WWOX: variants seen among roughly 807,000 people sequenced by gnomAD.
The protein encoded by WWOX is WW domain-containing oxidoreductase.
Under a neutral mutation model 46.2 loss-of-function variants are expected in WWOX, and 69 were observed. That is an observed-to-expected ratio of 1.49 (90% CI 1.23 to 1.82). WWOX has a LOEUF of 1.82. Among genes scored for constraint, WWOX ranks in the 40% most tolerant of loss-of-function variants. WWOX has a pLI of 0.00. For missense variants in WWOX, 919 were observed against 542.6 expected, an observed-to-expected ratio of 1.69 and a Z score of -6.89; for synonymous variants, 359 against 202.6, an observed-to-expected ratio of 1.77 and a Z score of -6.56.
chr16:78,312,035 C>T (rs891061208), intron 5 of WWOX, among the ~76,000 whole-genome samples: 2 of 152,108 alleles, frequency 1.3e-5, no homozygotes, highest in Non-Finnish European at 2.9e-5. Context: ...TTTTCGGTCA[C>T]CTTCCAGCCA....
chr16:78,765,330 G>A (rs917369058), intron 8 of WWOX, among the ~76,000 whole-genome samples: 2 of 152,236 alleles, frequency 1.3e-5, no homozygotes, highest in African/African-American at 4.8e-5. Context: ...TTGAACACTA[G>A]GGTGAGGGCT....
chr16:78,730,617 A>ATTTT lies in WWOX; in HGVS notation c.1056+297883_1056+297886dup, dbSNP rs536906826. ...CAGGTGCATGCCACCACGCCCGGCA[A>ATTTT]TTTTTTTTTTTTTTTTTTTTTAAGT... On this transcript the variant is annotated intron_variant, in intron 8 of 8. Coordinates refer to ENST00000566780, the MANE Select transcript of WWOX (RefSeq NM_016373.4). Among the ~76,000 whole-genome samples the ATTTT allele has an allele frequency of 4.9e-4, 60 of 123,042 alleles. 1 individual carries two copies. Among genetic ancestry groups the ATTTT allele is most frequent in the East Asian group, 4.7e-3 (19 of 4,028 alleles). 80.7% of individuals were successfully genotyped at this position (123,042 alleles called of 152,430 possible). A position where few individuals can be genotyped will look rare whatever the true frequency, so the allele number is the denominator to read the frequency against.
At chr16:78,543,368 A>G (rs1434386237) in intron 8 of WWOX, among the ~76,000 whole-genome samples, 2 of 152,204 alleles carry the variant, frequency 1.3e-5, no homozygotes, top group East Asian at 1.9e-4. Context: ...AGGTCTGTGC[A>G]CACTATGGAT....
intron 5 of WWOX, among the ~76,000 whole-genome samples, chr16:78,306,705 C>G (rs1055445773): frequency 6.6e-6 from 1 of 151,926 alleles, no homozygotes; most frequent in Non-Finnish European, 1.5e-5. Context: ...TCCCACAATT[C>G]CCTGTGAATT....
At chr16:78,621,373 G>T (rs1200544819) in intron 8 of WWOX, among the ~76,000 whole-genome samples, 2 of 151,820 alleles carry the variant, frequency 1.3e-5, no homozygotes, top group Non-Finnish European at 2.9e-5. Context: ...TGCTGCTGCT[G>T]TCTTACCTCC....
chr16:78,965,854 C>A (rs1341730137), intron 8 of WWOX, among the ~76,000 whole-genome samples: 1 of 152,120 alleles, frequency 6.6e-6, no homozygotes, highest in Non-Finnish European at 1.5e-5. Context: ...AGGAGCAGTT[C>A]TTAGATTAAC....
intron 8 of WWOX, among the ~76,000 whole-genome samples, chr16:78,806,281 G>C (rs1480451880): frequency 1.3e-5 from 2 of 152,112 alleles, no homozygotes; most frequent in African/African-American, 2.4e-5. Context: ...ATTGATGAGG[G>C]AATTGAAGCA....
intron 8 of WWOX, among the ~76,000 whole-genome samples, chr16:78,788,969 C>G (rs1463799164): frequency 6.6e-6 from 1 of 152,168 alleles, no homozygotes; most frequent in East Asian, 1.9e-4. Flanking sequence ...AAACTAGACC[C>G]TTATCATATA....
At chr16:78,627,836 C>G (rs1321813329) in intron 8 of WWOX, among the ~76,000 whole-genome samples, 2 of 152,224 alleles carry the variant, frequency 1.3e-5, no homozygotes, top group African/African-American at 2.4e-5. Context: ...ATGATGCCGA[C>G]TTAGACAGTG....
At chr16:78,609,017 C>G (rs913033291) in intron 8 of WWOX, among the ~76,000 whole-genome samples, 2 of 152,052 alleles carry the variant, frequency 1.3e-5, no homozygotes, top group East Asian at 1.9e-4. Flanking sequence ...ATTTGGGACC[C>G]TTTTTTAAAG....
intron 8 of WWOX, among the ~76,000 whole-genome samples, chr16:78,782,954 C>G (rs1054636438): frequency 1.3e-5 from 2 of 152,194 alleles, no homozygotes; most frequent in African/African-American, 2.4e-5. Flanking sequence ...TCTCATACAT[C>G]AGGCCATTTC....
In WWOX at chr16:78,330,895, A is replaced by G. The variant is rs142559979; in HGVS notation, c.517-55965A>G. Among the ~76,000 whole-genome samples, 1,092 of 152,326 alleles carry G rather than the reference A, an allele frequency of 7.2e-3. 10 individuals carry two copies. Among genetic ancestry groups the G allele is most frequent in the Middle Eastern group, 0.034 (10 of 294 alleles). ...AAGCTGAGATGATATGCATGTTCTT[A>G]TTTTCAATACAGTTAGTCTCTCCAC... is the stretch of plus-strand genomic sequence containing the variant. On this transcript the variant is annotated intron_variant, in intron 5 of 8. Transcript: ENST00000566780.
intron 8 of WWOX, among the ~76,000 whole-genome samples, chr16:78,742,488 C>T (rs1009592110): frequency 6.6e-6 from 1 of 152,186 alleles, no homozygotes; most frequent in Non-Finnish European, 1.5e-5. Flanking sequence ...TTATCTACAG[C>T]GTGGACCAGA....
intron 7 of WWOX, among the ~76,000 whole-genome samples, chr16:78,428,435 G>T (rs1385825982): frequency 6.6e-6 from 1 of 152,184 alleles, no homozygotes; most frequent in East Asian, 1.9e-4. Context: ...TATCTGCCCA[G>T]GAGACAGTGA....
At chr16:79,035,336 C>G (rs963566908) in intron 8 of WWOX, among the ~76,000 whole-genome samples, 4 of 152,154 alleles carry the variant, frequency 2.6e-5, no homozygotes, top group Admixed American at 6.5e-5. Context: ...CAGGGGAGTT[C>G]TAGACTGTCT....
At chr16:78,622,626 C>G (rs908242222) in intron 8 of WWOX, among the ~76,000 whole-genome samples, 4 of 152,100 alleles carry the variant, frequency 2.6e-5, no homozygotes, top group Admixed American at 2.0e-4. Flanking sequence ...TACCCCACCT[C>G]CTGGTGTCCA....
chr16:78,625,543 C>T (rs1010177306), intron 8 of WWOX, among the ~76,000 whole-genome samples: 5 of 152,038 alleles, frequency 3.3e-5, no homozygotes, highest in East Asian at 1.9e-4. Context: ...ATGTGTGTAA[C>T]AGCCAGTTTA....
At chr16:78,924,714 T>A (rs571577272) in intron 8 of WWOX, among the ~76,000 whole-genome samples, 1 of 152,356 alleles carries the variant, frequency 6.6e-6, no homozygotes, top group South Asian at 2.1e-4. Context: ...ATACCTTGAA[T>A]AAGTTTATAA....
At chr16:78,365,743 T>G (rs560023969) in intron 5 of WWOX, among the ~76,000 whole-genome samples, 23 of 152,272 alleles carry the variant, frequency 1.5e-4, no homozygotes, top group African/African-American at 5.3e-4. Flanking sequence ...ATTTCTTGTT[T>G]TTTGTTCTTT....
Sources: allele counts gnomAD v4.1 joint callset (sites outside exome capture counted in the v4.1 genomes callset), GRCh38; gene constraint gnomAD v4.1.1; transcripts MANE v1.5; gene names NCBI Gene and HGNC (gene_info 2026-07-23, HGNC 2026-07-21).